Variants in CORO7 observed in about 807,000 individuals in gnomAD.
CORO7 encodes coronin-7.
Under a neutral mutation model 126.6 loss-of-function variants are expected in CORO7, and 107 were observed. The ratio of observed to expected loss-of-function variants is 0.85; its 90% CI spans 0.72 to 0.99. The LOEUF (loss-of-function observed/expected upper bound fraction) is 0.99. CORO7 is among the 50% of genes least tolerant of loss of function. The pLI is 0.00. For synonymous variants in CORO7, 603 were observed against 536.8 expected (o/e 1.12, Z -1.70); for missense variants, 1,314 against 1,255.8 (o/e 1.05, Z -0.70).
Position 4,382,731 on chromosome 16 carries a change from G to C in CORO7, c.785+5255C>G, listed in dbSNP as rs377338448. ...AGGACAAAGGGCAGGTGGGGCCAGGGGCTGGGCCCCTGGAACTGGAGGGAG... is the reference window on the plus strand; with the variant it reads ...AGGACAAAGGGCAGGTGGGGCCAGGCGCTGGGCCCCTGGAACTGGAGGGAG... On this transcript the variant is annotated intron_variant, in intron 9 of 27. Transcript: ENST00000251166. 103 of 1,553,844 alleles carry C rather than the reference G, an allele frequency of 6.6e-5. No individual in the cohort carries two copies. The African/African-American group carries it at 1.4e-3, about 21-fold the overall frequency.
intron 9 of CORO7, chr16:4,383,287 G>T: frequency 4.3e-6 from 1 of 235,028 alleles, no homozygotes. Context: ...AGGGAGAGCG[G>T]GTAGGCGGCT....
At position 4,364,756 on chromosome 16, in the gene CORO7, TCGCCCAAGTCCCC is replaced by T; in HGVS notation, c.1044+6_1044+18del. 1.9e-6 allele frequency: 3 copies of T among 1,606,162 alleles called. No homozygotes were observed. Among genetic ancestry groups the T allele is most frequent in the Non-Finnish European group, 2.5e-6 (3 of 1,176,894 alleles). ...CCGACTCCCCAGCCCCCGCAGTCCCTCGCCCAAGTCCCCCTCACCTTGCGGGGCACATGGTAGC... is the reference window on the plus strand; with the variant it reads ...CCGACTCCCCAGCCCCCGCAGTCCCTCTCACCTTGCGGGGCACATGGTAGC... On this transcript the variant is annotated splice_donor_region_variant and intron_variant, in intron 12 of 27. Coordinates refer to ENST00000251166, the MANE Select transcript of CORO7 (RefSeq NM_024535.5).
At chr16:4,390,434 G>A (rs925668507) in intron 7 of CORO7, among the ~76,000 whole-genome samples, 1 of 152,228 alleles carries the variant, frequency 6.6e-6, no homozygotes, top group Non-Finnish European at 1.5e-5. Flanking sequence ...GCTGATAGCA[G>A]GGTACCGCCA....
At chr16:4,388,107 C>T in intron 8 of CORO7, 39 bp from the exon 9 acceptor site, 1 of 1,590,126 alleles carries the variant, frequency 6.3e-7, no homozygotes, top group Admixed American at 1.8e-5. Context: ...AGGGGCCTGT[C>T]CCTCAGCCCC....
intron 2 of CORO7, 64 bp downstream of exon 2, chr16:4,413,243 AC>A: frequency 6.7e-7 from 1 of 1,486,830 alleles, no homozygotes; most frequent in Non-Finnish European, 9.1e-7. Context: ...CCTGCTCCCC[AC>A]CCCATCTATG....
intron 3 of CORO7, among the ~76,000 whole-genome samples, chr16:4,410,458 A>G (rs1256968708): frequency 6.6e-6 from 1 of 152,162 alleles, no homozygotes; most frequent in East Asian, 1.9e-4. Flanking sequence ...AGGCTCCTAT[A>G]GACCTGGGTT....
intron 9 of CORO7, among the ~76,000 whole-genome samples, chr16:4,385,333 G>A (rs779648098): frequency 5.9e-5 from 9 of 152,046 alleles, no homozygotes; most frequent in Non-Finnish European, 1.3e-4. Flanking sequence ...CCCCAGCCAC[G>A]GGTGGGGCTG....
intron 14 of CORO7, among the ~76,000 whole-genome samples, chr16:4,363,761 G>A (rs2054259074): frequency 6.6e-6 from 1 of 151,564 alleles, no homozygotes; most frequent in Admixed American, 6.6e-5. Flanking sequence ...GCTCATGATT[G>A]TAATCCCAGC....
At chr16:4,381,673 C>T in intron 9 of CORO7, 1 of 1,606,510 alleles carries the variant, frequency 6.2e-7, no homozygotes, top group Non-Finnish European at 8.5e-7. Context: ...CCTGGCTGCC[C>T]TGCAGGAGCT....
In CORO7 at chr16:4,382,410, G is replaced by A. The variant is rs755238266; in HGVS notation, c.785+5576C>T. 3.3e-5 allele frequency: 53 copies of A among 1,611,622 alleles called. No individual in the cohort carries two copies. The Middle Eastern group carries it at 8.2e-4, about 25-fold the overall frequency. On this transcript the variant is annotated intron_variant, in intron 9 of 27. Transcript: ENST00000251166. ...GCCCTGATAAGCGGCTGGTGACGCTGCGACTGCCTGCCTCGCTCGCTGAGT... is the reference window on the plus strand; with the variant it reads ...GCCCTGATAAGCGGCTGGTGACGCTACGACTGCCTGCCTCGCTCGCTGAGT...
At chr16:4,381,377 G>A (rs767771193) in intron 9 of CORO7, 19 of 1,581,918 alleles carry the variant, frequency 1.2e-5, no homozygotes, top group East Asian at 9.5e-5. Context: ...CCCCCGCTGC[G>A]CCTGCCCCGC....
chr16:4,401,699 T>C (rs920192432), intron 6 of CORO7, among the ~76,000 whole-genome samples: 1 of 151,730 alleles, frequency 6.6e-6, no homozygotes, highest in Non-Finnish European at 1.5e-5. Context: ...CAAGGACAGA[T>C]ACAGGGGACA....
chr16:4,356,062 T>C (rs2053968117), intron 26 of CORO7, among the ~76,000 whole-genome samples: 1 of 152,138 alleles, frequency 6.6e-6, no homozygotes, highest in Non-Finnish European at 1.5e-5. Flanking sequence ...CAAGCGATTC[T>C]CCTGCCTCAG....
intron 1 of CORO7, 115 bp from the exon 2 acceptor site, chr16:4,413,519 C>A (rs180803583): frequency 4.0e-4 from 349 of 867,598 alleles, no homozygotes; most frequent in Non-Finnish European, 1.9e-5. Flanking sequence ...CTGCACCATT[C>A]GAGATGCATT....
intron 5 of CORO7, 135 bp from the exon 6 acceptor site, chr16:4,405,702 G>C: frequency 2.9e-6 from 3 of 1,036,844 alleles, no homozygotes; most frequent in Non-Finnish European, 2.8e-6. Context: ...AGGGGGCAAG[G>C]GCAGCAGCTT....
intron 3 of CORO7, among the ~76,000 whole-genome samples, chr16:4,409,568 G>A (rs2056127131): frequency 1.3e-5 from 2 of 152,252 alleles, no homozygotes; most frequent in Non-Finnish European, 2.9e-5. Context: ...TCCCCTACTG[G>A]AGGATGAGGA....
Position 4,412,395 on chromosome 16 carries a change from C to T in CORO7, c.193G>A (p.Glu65Lys), listed in dbSNP as rs1161130966. 6.2e-7 allele frequency: 1 copy of T among 1,614,102 alleles called. No individual in the cohort carries two copies. Among genetic ancestry groups the T allele is most frequent in the African/African-American group, 1.3e-5 (1 of 74,926 alleles). Residue 65 changes from glutamate (E) to lysine (K), a missense_variant, in exon 3 of 28, where the codon GAG becomes AAG. Coordinates refer to ENST00000251166, the MANE Select transcript of CORO7 (RefSeq NM_024535.5). ...LGIVPLQGQG[E>K]DKRRVAHLGC... is the part of the protein sequence containing the mutation. ...AGGTGGGCCACGCGTCGCTTGTCCT[C>T]TCCTTGGCCTTGCAGAGGCACAATG...
In CORO7 at chr16:4,358,482, C is replaced by A; in HGVS notation, c.2342G>T (p.Gly781Val). The change falls in exon 24 of 28, where the codon GGC (glycine) becomes GTC (valine). Residue 781 changes from glycine (G) to valine (V), a missense_variant and splice_region_variant. Gly to Val is a moderately radical substitution (Grantham distance 109). Transcript: ENST00000251166. Reference protein sequence around the residue: ...NSFTSPDPHKGLVLLPKTECD... With the variant: ...NSFTSPDPHKVLVLLPKTECD... ...CTCCGTCTTAGGCAGGAGGACGAGG[C>A]CCTGGGGGAGCAAGGGAGTCGGAGC... is the stretch of plus-strand genomic sequence containing the variant. The A allele has an allele frequency of 5.0e-6, 8 of 1,591,100 alleles. No homozygotes were observed. The highest frequency in any genetic ancestry group is 1.1e-5 in the South Asian group (1 of 89,752).
chr16:4,400,293 G>T (rs1298222420), intron 6 of CORO7, among the ~76,000 whole-genome samples: 1 of 152,126 alleles, frequency 6.6e-6, no homozygotes, highest in East Asian at 1.9e-4. Flanking sequence ...GAGGTCAGAA[G>T]TTTGAGACCA....
Sources: allele counts gnomAD v4.1 joint callset (sites outside exome capture counted in the v4.1 genomes callset), GRCh38; gene constraint gnomAD v4.1.1; transcripts MANE v1.5; gene names NCBI Gene and HGNC (gene_info 2026-07-23, HGNC 2026-07-21).